The following PCDH9 variants were observed in gnomAD, a reference collection of about 807,000 sequenced individuals.
PCDH9 encodes the protein protocadherin 9.
A neutral mutation model predicts 70.6 loss-of-function variants in PCDH9; 24 were observed. That is an observed-to-expected ratio of 0.34 (90% CI 0.25 to 0.48). The LOEUF is 0.48. PCDH9 is among the 20% of genes least tolerant of loss of function. The pLI, the probability that PCDH9 is intolerant of heterozygous loss-of-function variation, is 0.99. For synonymous variants in PCDH9, 562 were observed against 558.5 expected, an observed-to-expected ratio of 1.01 and a Z score of -0.09; for missense variants, 1,281 against 1,503.6, an observed-to-expected ratio of 0.85 and a Z score of 2.45.
chr13:66,468,764 T>C (rs924166738), intron 4 of PCDH9, among the ~76,000 whole-genome samples: 16 of 152,160 alleles, frequency 1.1e-4, no homozygotes, highest in Non-Finnish European at 2.1e-4. Flanking sequence ...TATCTACAAG[T>C]ATCACTTTGG....
intron 3 of PCDH9, among the ~76,000 whole-genome samples, chr13:66,703,676 C>T (rs1003297194): frequency 6.6e-6 from 1 of 152,054 alleles, no homozygotes; most frequent in Admixed American, 6.5e-5. Context: ...GTGAGGATGG[C>T]TTGAGCCCAG....
At chr13:66,697,663 C>T (rs183636748) in intron 3 of PCDH9, among the ~76,000 whole-genome samples, 7 of 152,190 alleles carry the variant, frequency 4.6e-5, no homozygotes, top group Non-Finnish European at 5.9e-5. Flanking sequence ...CCACTAGATG[C>T]CAATAGCACT....
At chr13:66,333,421 T>A (rs1254104701) in intron 4 of PCDH9, among the ~76,000 whole-genome samples, 11 of 152,146 alleles carry the variant, frequency 7.2e-5, no homozygotes, top group Non-Finnish European at 2.9e-5. Flanking sequence ...TTCTGCACAA[T>A]CCAGCCTCAA....
intron 4 of PCDH9, among the ~76,000 whole-genome samples, chr13:66,532,441 T>C (rs1462853694): frequency 6.6e-6 from 1 of 152,192 alleles, no homozygotes; most frequent in Non-Finnish European, 1.5e-5. Flanking sequence ...ACACTAAAAA[T>C]GAACTGTAAA....
At chr13:66,354,221 G>A (rs1172781789) in intron 4 of PCDH9, among the ~76,000 whole-genome samples, 1 of 151,970 alleles carries the variant, frequency 6.6e-6, no homozygotes, top group East Asian at 1.9e-4. Context: ...TGATTTTCCA[G>A]GAAATTTACT....
Position 66,625,544 on chromosome 13 carries a change from T to C in PCDH9, c.3340+5666A>G, listed in dbSNP as rs147790678. Among the ~76,000 whole-genome samples the C allele has an allele frequency of 4.2e-3, 639 of 152,308 alleles. 20 individuals carry two copies. In the East Asian group the frequency reaches 0.081, roughly 19 times the overall value. On this transcript the variant is annotated intron_variant, in intron 4 of 4. Coordinates refer to ENST00000377865, the MANE Select transcript of PCDH9 (RefSeq NM_203487.3). ...GTTTTATCAATAAACACAAATATAA[T>C]TTTACACAATTATTTTTGATAATAA...
chr13:66,682,203 G>T (rs1436427086), intron 3 of PCDH9, among the ~76,000 whole-genome samples: 1 of 151,798 alleles, frequency 6.6e-6, no homozygotes, highest in East Asian at 1.9e-4. Flanking sequence ...GAAATTTTAA[G>T]ACCTCATATG....
chr13:66,980,125 T>TA (rs1220785170), intron 2 of PCDH9, among the ~76,000 whole-genome samples: 2 of 149,424 alleles, frequency 1.3e-5, no homozygotes, highest in Admixed American at 1.3e-4. Context: ...TCTATCTATC[T>TA]ATCTATCATC....
intron 3 of PCDH9, among the ~76,000 whole-genome samples, chr13:66,802,858 G>T (rs932067911): frequency 2.0e-5 from 3 of 151,868 alleles, no homozygotes; most frequent in Non-Finnish European, 2.9e-5. Flanking sequence ...GTGACAGTGG[G>T]GTCAGCAGCA....
intron 2 of PCDH9, among the ~76,000 whole-genome samples, chr13:66,922,085 A>AC (rs1474593744): frequency 6.6e-6 from 1 of 151,376 alleles, no homozygotes; most frequent in East Asian, 1.9e-4. Context: ...TTTCATAAAG[A>AC]TAAACCAGAT....
chr13:66,410,817 GA>G (rs1353550759), intron 4 of PCDH9, among the ~76,000 whole-genome samples: 2 of 152,088 alleles, frequency 1.3e-5, no homozygotes, highest in African/African-American at 4.8e-5. Context: ...TCCACCTAAG[GA>G]AGATAAAATA....
chr13:66,458,809 A>G (rs1958367320), intron 4 of PCDH9, among the ~76,000 whole-genome samples: 1 of 152,044 alleles, frequency 6.6e-6, no homozygotes, highest in African/African-American at 2.4e-5. Flanking sequence ...AGTAGACCTA[A>G]CCACTTAAAC....
chr13:66,848,885 A>G (rs533151705), intron 3 of PCDH9, among the ~76,000 whole-genome samples: 17 of 142,128 alleles, frequency 1.2e-4, no homozygotes, highest in East Asian at 2.1e-4. Flanking sequence ...CCGAGATCGC[A>G]CCACCGCACT....
intron 4 of PCDH9, among the ~76,000 whole-genome samples, chr13:66,486,637 GAAAA>G (rs35868123): frequency 8.6e-6 from 1 of 116,092 alleles, no homozygotes; most frequent in Admixed American, 8.5e-5. Context: ...TGCTATCTCA[GAAAA>G]AAAAAAAAAA....
Position 66,744,553 on chromosome 13 carries a change from C to G in PCDH9, c.3139-113142G>C, listed in dbSNP as rs140322738. On this transcript the variant is annotated intron_variant, in intron 3 of 4. Transcript: ENST00000377865. ...ACATGTTCACATGAGAAAATACATT[C>G]CCAGTACTTGTTTAATTACTAGAAA... is the stretch of plus-strand genomic sequence containing the variant. Among the ~76,000 whole-genome samples the G allele has an allele frequency of 2.1e-4, 32 of 152,214 alleles. 1 individual carries two copies. The highest frequency in any genetic ancestry group is 8.5e-4 in the Admixed American group (13 of 15,288).
intron 3 of PCDH9, among the ~76,000 whole-genome samples, chr13:66,752,037 G>A (rs2079467811): frequency 6.6e-6 from 1 of 152,072 alleles, no homozygotes; most frequent in South Asian, 2.1e-4. Flanking sequence ...CCACACAGAG[G>A]GTATGAGCTA....
At chr13:66,622,951 G>C (rs907886658) in intron 4 of PCDH9, among the ~76,000 whole-genome samples, 1 of 151,912 alleles carries the variant, frequency 6.6e-6, no homozygotes, top group African/African-American at 2.4e-5. Flanking sequence ...CGAACGCACC[G>C]GGAGGAACGA....
chr13:66,461,150 T>C lies in PCDH9; in HGVS notation c.3341-156122A>G, dbSNP rs148417573. Among the ~76,000 whole-genome samples the C allele has an allele frequency of 2.7e-3, 409 of 151,946 alleles. 2 individuals carry two copies. The highest frequency in any genetic ancestry group is 9.4e-3 in the African/African-American group (388 of 41,490). On this transcript the variant is annotated intron_variant, in intron 4 of 4. Transcript: ENST00000377865. ...TAATCGGGAGTCAGTTCCTAAGATATCACTAGCATATTAAACCTTCTTAAA... is the reference window on the plus strand; with the variant it reads ...TAATCGGGAGTCAGTTCCTAAGATACCACTAGCATATTAAACCTTCTTAAA...
chr13:66,517,746 C>T lies in PCDH9; in HGVS notation c.3340+113464G>A, dbSNP rs186422512. Among the ~76,000 whole-genome samples the T allele has an allele frequency of 3.1e-3, 466 of 152,210 alleles. 1 individual carries two copies. The highest frequency in any genetic ancestry group is 0.011 in the African/African-American group (444 of 41,542). On this transcript the variant is annotated intron_variant, in intron 4 of 4. Coordinates refer to ENST00000377865, the MANE Select transcript of PCDH9 (RefSeq NM_203487.3). ...AGTAGCGAATCTTAAATTTCCTTTCCTGTCATGTACTCCATACTTTTAATA... is the reference window on the plus strand; with the variant it reads ...AGTAGCGAATCTTAAATTTCCTTTCTTGTCATGTACTCCATACTTTTAATA...
Sources: gnomAD v4.1 joint callset for allele counts (sites outside exome capture counted in the v4.1 genomes callset) on GRCh38, gnomAD v4.1.1 for gene constraint, MANE v1.5 for transcripts, NCBI Gene and HGNC (gene_info 2026-07-23, HGNC 2026-07-21) for gene names.